The following ACER3 variants were observed in gnomAD, a reference collection of about 807,000 sequenced individuals.
ACER3 encodes the protein alkaline ceramidase 3, also known as alkCDase 3.
In ACER3, 16 loss-of-function variants were observed where a neutral mutation model predicts 48.9. The observed-to-expected ratio is 0.33, with a 90% CI of 0.22 to 0.50. The LOEUF (loss-of-function observed/expected upper bound fraction) is 0.50. ACER3 is among the 20% of genes least tolerant of loss of function. The pLI, the probability that ACER3 is intolerant of heterozygous loss-of-function variation, is 0.98. For missense variants in ACER3, 227 were observed against 326.0 expected, an observed-to-expected ratio of 0.70 and a Z score of 2.34; for synonymous variants, 109 against 107.8, an observed-to-expected ratio of 1.01 and a Z score of -0.07.
intron 2 of ACER3, among the ~76,000 whole-genome samples, chr11:76,954,436 A>G (rs1317716349): frequency 6.6e-6 from 1 of 152,038 alleles, no homozygotes; most frequent in East Asian, 1.9e-4. Context: ...CATCTGGCTA[A>G]TTTCAATTTA....
chr11:76,993,890 C>T (rs965154402), intron 6 of ACER3, among the ~76,000 whole-genome samples: 3 of 152,196 alleles, frequency 2.0e-5, no homozygotes, highest in Non-Finnish European at 4.4e-5. Context: ...GCCTGCAGCT[C>T]ACCTCCTGCT....
At chr11:77,005,992 T>TATATATACATATATATATA (rs1491403985) in intron 7 of ACER3, among the ~76,000 whole-genome samples, 20 of 70,578 alleles carry the variant, frequency 2.8e-4, no homozygotes, top group African/African-American at 7.7e-4. Flanking sequence ...TATATATATA[T>TATATATACATATATATATA]TTTTTTTTTT....
intron 1 of ACER3, among the ~76,000 whole-genome samples, chr11:76,878,453 A>G: frequency 6.6e-6 from 1 of 152,106 alleles, no homozygotes; most frequent in East Asian, 1.9e-4. Context: ...TTAAATCTTT[A>G]TTAATCCATT....
chr11:76,895,552 T>G (rs2134640681), intron 1 of ACER3, among the ~76,000 whole-genome samples: 1 of 152,338 alleles, frequency 6.6e-6, no homozygotes, highest in Admixed American at 6.5e-5. Context: ...GGTTTGAGTC[T>G]GCTTCTGATG....
chr11:76,898,320 A>G (rs1162508647), intron 1 of ACER3, among the ~76,000 whole-genome samples: 2 of 152,174 alleles, frequency 1.3e-5, no homozygotes, highest in Non-Finnish European at 2.9e-5. Flanking sequence ...TGTCTACTCG[A>G]ACATAGTATT....
chr11:76,961,418 T>C (rs1361024459), intron 3 of ACER3, among the ~76,000 whole-genome samples: 1 of 152,126 alleles, frequency 6.6e-6, no homozygotes, highest in Non-Finnish European at 1.5e-5. Flanking sequence ...ACATACATTC[T>C]CAAGCTCTGT....
chr11:76,882,456 A>C (rs7947809), intron 1 of ACER3, among the ~76,000 whole-genome samples: 90,643 of 152,012 alleles, frequency 0.6, 29,374 homozygotes, highest in Non-Finnish European at 0.74. Context: ...TCAGTTGTAG[A>C]GTGTCCACTT....
chr11:76,919,396 A>G (rs1251838273), intron 1 of ACER3, among the ~76,000 whole-genome samples: 1 of 152,146 alleles, frequency 6.6e-6, no homozygotes, highest in Non-Finnish European at 1.5e-5. Flanking sequence ...TTGATATTTG[A>G]GTTTCCGTTT....
intron 1 of ACER3, among the ~76,000 whole-genome samples, chr11:76,912,889 C>T (rs1946420673): frequency 6.6e-6 from 1 of 152,098 alleles, no homozygotes; most frequent in South Asian, 2.1e-4. Flanking sequence ...TCCTTGCCTC[C>T]TCAGAAGAAA....
intron 4 of ACER3, chr11:76,978,759 A>T (rs557152018): frequency 1.3e-5 from 2 of 154,342 alleles, no homozygotes; most frequent in Non-Finnish European, 2.9e-5. Flanking sequence ...GGGCTGTGAC[A>T]CCCTTTTGGG....
At chr11:76,889,119 C>T (rs868260408) in intron 1 of ACER3, among the ~76,000 whole-genome samples, 1 of 152,170 alleles carries the variant, frequency 6.6e-6, no homozygotes, top group Non-Finnish European at 1.5e-5. Flanking sequence ...AGATCCATTT[C>T]CTATCCTTGT....
chr11:76,929,840 G>A (rs988399965), intron 2 of ACER3, among the ~76,000 whole-genome samples: 1 of 152,208 alleles, frequency 6.6e-6, no homozygotes, highest in African/African-American at 2.4e-5. Flanking sequence ...TGGTGAATAA[G>A]CTTTTTGATG....
chr11:76,909,730 G>A (rs1946321858), intron 1 of ACER3, among the ~76,000 whole-genome samples: 1 of 152,130 alleles, frequency 6.6e-6, no homozygotes, highest in Non-Finnish European at 1.5e-5. Flanking sequence ...CAAGGATCTA[G>A]AACCAGAAAT....
At chr11:76,970,821 C>G (rs1455883777) in intron 3 of ACER3, among the ~76,000 whole-genome samples, 1 of 152,066 alleles carries the variant, frequency 6.6e-6, no homozygotes, top group Non-Finnish European at 1.5e-5. Flanking sequence ...CTGCCACTAT[C>G]TAATCCCACA....
chr11:76,970,917 T>C (rs12289748), intron 3 of ACER3, among the ~76,000 whole-genome samples: 3,232 of 152,294 alleles, frequency 0.021, 116 homozygotes, highest in African/African-American at 0.074. Context: ...AATCACTCTC[T>C]TCCTGTATGG....
rs546990711 is a variant in ACER3, at chr11:76,955,578, T to G, written c.215-3401T>G. 5 of 152,432 alleles carry G rather than the reference T, an allele frequency of 3.3e-5. No homozygotes were observed. The East Asian group carries it at 9.6e-4, about 29-fold the overall frequency. The allele number at this position is 152,432 out of a possible 1,614,324, so 9.4% of individuals were successfully genotyped here. A position where few individuals can be genotyped will look rare whatever the true frequency, so the allele number is the denominator to read the frequency against. The stretch of plus-strand genomic sequence containing the variant: ...GCTGTGTCTCACATGGCCTTTCCTC[T>G]GTCTGTGCTGTGGAAAGAGAAGAAG... On this transcript the variant is annotated intron_variant, in intron 2 of 10. Transcript: ENST00000532485.
intron 6 of ACER3, among the ~76,000 whole-genome samples, chr11:76,996,888 G>A (rs1387491298): frequency 6.6e-6 from 1 of 150,426 alleles, no homozygotes; most frequent in Non-Finnish European, 1.5e-5. Context: ...ACCACACCTG[G>A]CTAATTTTTG....
intron 1 of ACER3, among the ~76,000 whole-genome samples, chr11:76,900,770 G>C (rs1405241717): frequency 6.6e-6 from 1 of 152,216 alleles, no homozygotes; most frequent in Non-Finnish European, 1.5e-5. Context: ...CATTGGTTCA[G>C]AAGCACTCAT....
intron 1 of ACER3, among the ~76,000 whole-genome samples, chr11:76,875,396 G>A (rs866495460): frequency 6.6e-5 from 10 of 151,968 alleles, no homozygotes; most frequent in Non-Finnish European, 1.2e-4. Context: ...ACATAAAGGC[G>A]TGAGCCACCG....
Sources: gnomAD v4.1 joint callset for allele counts (sites outside exome capture counted in the v4.1 genomes callset) on GRCh38, gnomAD v4.1.1 for gene constraint, MANE v1.5 for transcripts, NCBI Gene and HGNC (gene_info 2026-07-23, HGNC 2026-07-21) for gene names.